SOS1: variants seen among roughly 807,000 people sequenced by gnomAD.
SOS1 encodes the protein son of sevenless homolog 1.
In SOS1, 25 loss-of-function variants were observed where a neutral mutation model predicts 157.6. The observed-to-expected ratio is 0.16, with a 90% CI of 0.12 to 0.22. SOS1 has a LOEUF of 0.22. Ranked by LOEUF, SOS1 falls within the 10% of genes least tolerant of loss-of-function variation. The probability of loss-of-function intolerance (pLI) is 1.00; values close to 1 mark genes in which losing one functional copy is unlikely to be tolerated. For synonymous variants in SOS1, 528 were observed against 534.0 expected (o/e 0.99, Z 0.16); for missense variants, 1,237 against 1,599.1 (o/e 0.77, Z 3.86).
chr2:39,042,079 T>G (rs1670591390), intron 6 of SOS1, among the ~76,000 whole-genome samples: 1 of 152,198 alleles, frequency 6.6e-6, no homozygotes, highest in African/African-American at 2.4e-5. Flanking sequence ...TACCTAATTG[T>G]TACCTGCACC....
chr2:39,118,741 A>G (rs1673754346), intron 1 of SOS1, among the ~76,000 whole-genome samples: 1 of 152,198 alleles, frequency 6.6e-6, no homozygotes, highest in African/African-American at 2.4e-5. Flanking sequence ...GGTTTTATGT[A>G]ATATCTCCCA....
intron 1 of SOS1, among the ~76,000 whole-genome samples, chr2:39,068,693 A>AT (rs748917181): frequency 0.061 from 8,881 of 145,554 alleles, 634 homozygotes; most frequent in African/African-American, 0.17. Flanking sequence ...CATTTCTTTA[A>AT]TTTTTTTTTT....
intron 2 of SOS1, among the ~76,000 whole-genome samples, chr2:39,065,158 T>A (rs1364617911): frequency 6.6e-6 from 1 of 152,194 alleles, no homozygotes; most frequent in African/African-American, 2.4e-5. Context: ...GGGCCCTTAT[T>A]ATTTTAATAG....
intron 6 of SOS1, 139 bp downstream of exon 6, chr2:39,051,005 C>T: frequency 1.3e-6 from 1 of 791,660 alleles, no homozygotes; most frequent in South Asian, 1.5e-5. Context: ...GACAATGACC[C>T]TATGAAAAAG....
chr2:39,101,128 TC>T (rs1672951433), intron 1 of SOS1, among the ~76,000 whole-genome samples: 1 of 152,180 alleles, frequency 6.6e-6, no homozygotes, highest in Admixed American at 6.5e-5. Context: ...TCAGGAGGTT[TC>T]CAATCATGGC....
chr2:39,110,529 C>G (rs534150908), intron 1 of SOS1, among the ~76,000 whole-genome samples: 1 of 151,972 alleles, frequency 6.6e-6, no homozygotes, highest in South Asian at 2.1e-4. Flanking sequence ...TATGGCACAG[C>G]CCTGCTCTGC....
intron 2 of SOS1, among the ~76,000 whole-genome samples, chr2:39,063,127 A>AT (rs535635621): frequency 0.024 from 3,588 of 148,530 alleles, 65 homozygotes; most frequent in East Asian, 0.075. Context: ...ATAGAATTCA[A>AT]TTTTTTTTTT....
intron 15 of SOS1, among the ~76,000 whole-genome samples, chr2:39,009,551 T>C (rs928334901): frequency 4.6e-5 from 7 of 151,956 alleles, no homozygotes; most frequent in Non-Finnish European, 1.0e-4. Context: ...AATATAAACA[T>C]TGTTGAATTT....
chr2:39,104,352 C>T (rs571695710), intron 1 of SOS1, among the ~76,000 whole-genome samples: 56 of 152,188 alleles, frequency 3.7e-4, no homozygotes, highest in African/African-American at 1.3e-3. Flanking sequence ...TAAAGACATA[C>T]AAATGGCCAA....
intron 1 of SOS1, among the ~76,000 whole-genome samples, chr2:39,118,416 GT>G (rs763457103): frequency 2.0e-5 from 3 of 152,210 alleles, no homozygotes; most frequent in Non-Finnish European, 4.4e-5. Flanking sequence ...GAAACATACT[GT>G]ATTTTCAATC....
chr2:39,082,990 G>C (rs1298539656), intron 1 of SOS1, among the ~76,000 whole-genome samples: 2 of 152,168 alleles, frequency 1.3e-5, no homozygotes, highest in East Asian at 1.9e-4. Flanking sequence ...GCAAACTCCA[G>C]TTGGTGAGCA....
At chr2:38,995,591 T>C (rs1174547442) in intron 19 of SOS1, among the ~76,000 whole-genome samples, 1 of 152,230 alleles carries the variant, frequency 6.6e-6, no homozygotes, top group East Asian at 1.9e-4. Context: ...TGTTAAAGAA[T>C]GCATTTCTTT....
chr2:39,079,399 TTAATC>T lies in SOS1; in HGVS notation c.88-11651_88-11647del, dbSNP rs1350933830. 5.3e-5 allele frequency among the ~76,000 whole-genome samples: 8 copies of T among 151,982 alleles called. No homozygotes were observed. In the South Asian group the frequency reaches 1.5e-3, roughly 28 times the overall value. On this transcript the variant is annotated intron_variant, in intron 1 of 22. Coordinates refer to ENST00000402219, the MANE Select transcript of SOS1 (RefSeq NM_005633.4). ...ACTATAAAGTAATTTAAGTAGTTGA[TTAATC>T]TAAAACTCAGCTATTACCTCCAGGG...
Position 39,120,492 on chromosome 2 carries a change from G to C in SOS1, c.-70C>G. ...CCGGGCCAGGGAGCCGCGAGAGGGC[G>C]AGCTCGCAGCGCGGAACAGGGCCGC... On this transcript the variant is annotated 5_prime_UTR_variant, in exon 1 of 23. Transcript: ENST00000402219. 7.2e-7 allele frequency: 1 copy of C among 1,395,492 alleles called. No homozygotes were observed. The highest frequency in any genetic ancestry group is 1.5e-5 in the South Asian group (1 of 68,026). The allele number at this position is 1,395,492 out of a possible 1,614,324, so 86.4% of individuals were successfully genotyped here. A position where few individuals can be genotyped will look rare whatever the true frequency, so the allele number is the denominator to read the frequency against.
intron 1 of SOS1, among the ~76,000 whole-genome samples, chr2:39,083,029 T>C (rs1672261811): frequency 6.6e-6 from 1 of 152,178 alleles, no homozygotes; most frequent in South Asian, 2.1e-4. Flanking sequence ...TAGCAAGTTA[T>C]CTCAGCAGAC....
chr2:39,111,497 T>C (rs1191281418), intron 1 of SOS1, among the ~76,000 whole-genome samples: 3 of 152,180 alleles, frequency 2.0e-5, no homozygotes, highest in East Asian at 3.8e-4. Flanking sequence ...CTGTAATAAA[T>C]ACTACATCAG....
chr2:39,013,490 G>A lies in SOS1; in HGVS notation c.2137C>T (p.Arg713Ter). The change falls in exon 13 of 23, where the codon CGA becomes TGA. Residue 713 changes from arginine (R) to a stop codon, truncating the protein, a stop_gained. Transcript: ENST00000402219. LOFTEE classifies it high-confidence loss of function. ...DFERDAYLLQ[R>*]MEEFIGTVRG... ...ACTGTTCCAATAAATTCTTCCATTC[G>A]TTGCAAAAGATATGCATCTCTTTCA... 6.2e-7 allele frequency: 1 copy of A among 1,610,338 alleles called. No homozygotes were observed. The highest frequency in any genetic ancestry group is 8.5e-7 in the Non-Finnish European group (1 of 1,177,766).
Position 38,985,511 on chromosome 2 carries a change from G to T in SOS1, c.*313C>A. ...AGACTGTGTTTTCCATCCCTTTAAT[G>T]ATCACTTCACAAAAGATCACTTCAC... On this transcript the variant is annotated 3_prime_UTR_variant, in exon 23 of 23. Coordinates refer to ENST00000402219, the MANE Select transcript of SOS1 (RefSeq NM_005633.4). The T allele has an allele frequency of 9.1e-6, 3 of 328,324 alleles. No homozygotes were observed. The South Asian group carries it at 1.0e-4, about 11-fold the overall frequency. The allele number at this position is 328,324 out of a possible 1,614,324, so 20.3% of individuals were successfully genotyped here.
intron 1 of SOS1, among the ~76,000 whole-genome samples, chr2:39,100,929 TAA>T: frequency 6.6e-6 from 1 of 152,190 alleles, no homozygotes; most frequent in South Asian, 2.1e-4. Flanking sequence ...AAAAAAATAA[TAA>T]AATACAGCAA....
Sources: gnomAD v4.1 joint callset for allele counts (sites outside exome capture counted in the v4.1 genomes callset) on GRCh38, gnomAD v4.1.1 for gene constraint, MANE v1.5 for transcripts, NCBI Gene and HGNC (gene_info 2026-07-23, HGNC 2026-07-21) for gene names.